Variants in LMNTD1 observed in about 807,000 individuals in gnomAD.
The protein encoded by LMNTD1 is lamin tail domain-containing protein 1.
In LMNTD1, 35 loss-of-function variants were observed where a neutral mutation model predicts 50.9. That is an observed-to-expected ratio of 0.69 (90% CI 0.53 to 0.91). The LOEUF is 0.91. Among genes scored for constraint, LMNTD1 ranks in the 40% least tolerant of loss-of-function variants. The pLI is 0.00. For missense variants in LMNTD1, 470 were observed against 475.5 expected, an observed-to-expected ratio of 0.99 and a Z score of 0.11; for synonymous variants, 153 against 161.9, an observed-to-expected ratio of 0.94 and a Z score of 0.42.
intron 9 of LMNTD1, among the ~76,000 whole-genome samples, chr12:25,495,249 C>CATGT (rs71449919): frequency 6.9e-5 from 10 of 144,770 alleles, no homozygotes; most frequent in African/African-American, 2.6e-4. Flanking sequence ...AAAGTGTGTA[C>CATGT]GTGTGTGTGT....
chr12:25,555,832 A>G (rs1944016939), upstream of LMNTD1, among the ~76,000 whole-genome samples: 1 of 152,168 alleles, frequency 6.6e-6, no homozygotes, highest in Non-Finnish European at 1.5e-5. Flanking sequence ...CAAAAAGACT[A>G]AAATAGAAGC....
chr12:25,642,243 C>T (rs1043458448), intron 1 of LMNTD1, among the ~76,000 whole-genome samples: 4 of 152,160 alleles, frequency 2.6e-5, no homozygotes, highest in Non-Finnish European at 4.4e-5. Context: ...TCTGTTGAAG[C>T]TCTAATCACC....
At chr12:25,508,440 T>C (rs1052168006) in intron 8 of LMNTD1, among the ~76,000 whole-genome samples, 7 of 152,224 alleles carry the variant, frequency 4.6e-5, no homozygotes, top group African/African-American at 1.4e-4. Context: ...GATTCACTGA[T>C]ATTATTGCAT....
At chr12:25,511,471 G>A (rs1940290782) in intron 8 of LMNTD1, among the ~76,000 whole-genome samples, 1 of 152,156 alleles carries the variant, frequency 6.6e-6, no homozygotes, top group Non-Finnish European at 1.5e-5. Flanking sequence ...TTCTGAGAAT[G>A]AGACACTTGT....
chr12:25,643,617 C>T (rs2136631232), intron 1 of LMNTD1, among the ~76,000 whole-genome samples: 1 of 152,250 alleles, frequency 6.6e-6, no homozygotes, highest in East Asian at 1.9e-4. Flanking sequence ...TTGCTGACAA[C>T]AGGAATTGAG....
intron 9 of LMNTD1, among the ~76,000 whole-genome samples, chr12:25,485,471 T>A (rs1938595378): frequency 1.4e-5 from 1 of 71,722 alleles, no homozygotes; most frequent in South Asian, 6.3e-4. Flanking sequence ...TTCACTCTGA[T>A]GGTAGTTTCT....
chr12:25,584,360 G>C (rs1222853449), intron 1 of LMNTD1, among the ~76,000 whole-genome samples: 1 of 152,200 alleles, frequency 6.6e-6, no homozygotes, highest in East Asian at 1.9e-4. Flanking sequence ...CTTGAGCACT[G>C]CTCAGTGTAA....
At chr12:25,552,850 A>C (rs907441623) in intron 2 of LMNTD1, 21 bp downstream of exon 2, 30 of 1,403,410 alleles carry the variant, frequency 2.1e-5, no homozygotes, top group Non-Finnish European at 2.7e-5. Context: ...CTCTGCTTCC[A>C]TCGCATCTAT....
At chr12:25,604,152 C>A (rs1021927485) in intron 1 of LMNTD1, among the ~76,000 whole-genome samples, 1 of 152,046 alleles carries the variant, frequency 6.6e-6, no homozygotes, top group African/African-American at 2.4e-5. Flanking sequence ...GTACCTGCCC[C>A]AACTTTGTTT....
intron 9 of LMNTD1, among the ~76,000 whole-genome samples, chr12:25,495,249 CGTGTGTGTGT>C (rs1207389869): frequency 2.2e-4 from 32 of 144,770 alleles, no homozygotes; most frequent in African/African-American, 7.4e-4. Context: ...AAAGTGTGTA[CGTGTGTGTGT>C]GTGTGTGTGT....
chr12:25,537,714 C>T (rs1296160213), intron 4 of LMNTD1, among the ~76,000 whole-genome samples: 1 of 152,174 alleles, frequency 6.6e-6, no homozygotes, highest in East Asian at 1.9e-4. Flanking sequence ...CAGAACAAAG[C>T]TGGATGGAGA....
chr12:25,552,657 G>A (rs953229928), intron 2 of LMNTD1, among the ~76,000 whole-genome samples: 3 of 150,018 alleles, frequency 2.0e-5, no homozygotes, highest in Admixed American at 6.7e-5. Flanking sequence ...CTGTCCAGGT[G>A]GATTTTTATA....
At chr12:25,616,912 A>C (rs967324918) in intron 1 of LMNTD1, among the ~76,000 whole-genome samples, 4 of 152,198 alleles carry the variant, frequency 2.6e-5, no homozygotes, top group Non-Finnish European at 4.4e-5. Flanking sequence ...TATATCTTGA[A>C]TCTAGTGATA....
intron 4 of LMNTD1, among the ~76,000 whole-genome samples, chr12:25,538,410 A>G (rs1265979715): frequency 1.3e-5 from 2 of 150,484 alleles, no homozygotes; most frequent in Admixed American, 6.7e-5. Context: ...GAGAGTGGGG[A>G]CCAATATTCA....
intron 1 of LMNTD1, among the ~76,000 whole-genome samples, chr12:25,619,992 C>T (rs959776279): frequency 6.6e-6 from 1 of 152,158 alleles, no homozygotes; most frequent in Admixed American, 6.5e-5. Context: ...TCTCCAAAAG[C>T]CTTAGCTTTA....
chr12:25,614,162 GT>G (rs1565519905), intron 1 of LMNTD1, among the ~76,000 whole-genome samples: 2 of 152,136 alleles, frequency 1.3e-5, no homozygotes, highest in Non-Finnish European at 2.9e-5. Flanking sequence ...TGACTGAAGG[GT>G]GGGGTAAGCG....
chr12:25,478,717 C>T (rs7961938), intron 9 of LMNTD1, among the ~76,000 whole-genome samples: 99,518 of 151,986 alleles, frequency 0.65, 33,015 homozygotes, highest in East Asian at 0.95. Context: ...ACCTGGGAGG[C>T]GGAGGTTGCA....
At chr12:25,565,966 C>A (rs1329880092) in intron 1 of LMNTD1, among the ~76,000 whole-genome samples, 1 of 152,096 alleles carries the variant, frequency 6.6e-6, no homozygotes, top group African/African-American at 2.4e-5. Flanking sequence ...TGCTGCCAGG[C>A]ATATTGGAGC....
chr12:25,587,629 C>G (rs1179861872), intron 1 of LMNTD1, among the ~76,000 whole-genome samples: 1 of 152,226 alleles, frequency 6.6e-6, no homozygotes, highest in Non-Finnish European at 1.5e-5. Flanking sequence ...CCAATCACCT[C>G]CCAATGGGCC....
Sources: gnomAD v4.1 joint callset for allele counts (sites outside exome capture counted in the v4.1 genomes callset) on GRCh38, gnomAD v4.1.1 for gene constraint, MANE v1.5 for transcripts, NCBI Gene and HGNC (gene_info 2026-07-23, HGNC 2026-07-21) for gene names.